KLF8: variants seen among roughly 807,000 people sequenced by gnomAD.
The protein encoded by KLF8 is KLF transcription factor 8.
In KLF8, 10 loss-of-function variants were observed where a neutral mutation model predicts 18.2. The observed-to-expected ratio is 0.55, with a 90% CI of 0.34 to 0.93. The LOEUF (loss-of-function observed/expected upper bound fraction) is 0.93, where lower values mean the gene tolerates loss of function less well. KLF8 is among the 40% of genes least tolerant of loss of function. The pLI, the probability that KLF8 is intolerant of heterozygous loss-of-function variation, is 0.02. For synonymous variants in KLF8, 109 were observed against 97.3 expected, an observed-to-expected ratio of 1.12 and a Z score of -0.71; for missense variants, 264 against 277.9, an observed-to-expected ratio of 0.95 and a Z score of 0.36.
rs1417872157 is a variant in KLF8, at chrX:56,267,050, T to G, written c.646+1306T>G. On this transcript the variant is annotated intron_variant, in intron 3 of 5. Coordinates refer to ENST00000468660, the MANE Select transcript of KLF8 (RefSeq NM_007250.5). ...AAACAAACAAAAAAGGAAATAAAAT[T>G]CCTCGTGTGACAGTTTATGCTGAGA... 5.3e-6 allele frequency: 4 copies of G among 752,447 alleles called. No homozygotes were observed. In the East Asian group the frequency reaches 6.1e-4, roughly 114 times the overall value. 62.0% of individuals were successfully genotyped at this position (752,447 alleles called of 1,213,427 possible). A position where few individuals can be genotyped will look rare whatever the true frequency, so the allele number is the denominator to read the frequency against.
the KLF8 span, among the ~76,000 whole-genome samples, chrX:56,006,567 G>C: frequency 8.9e-6 from 1 of 112,183 alleles, no homozygotes; most frequent in Non-Finnish European, 1.9e-5. Flanking sequence ...CTGTGGTTTT[G>C]ATTTGCAATT....
the KLF8 span, among the ~76,000 whole-genome samples, chrX:56,188,433 T>A: frequency 1.8e-5 from 2 of 111,640 alleles, no homozygotes; most frequent in East Asian, 5.6e-4. Context: ...ATCATGAAAA[T>A]GGCCATATTG....
the KLF8 span, among the ~76,000 whole-genome samples, chrX:56,106,919 G>A: frequency 8.9e-6 from 1 of 111,839 alleles, no homozygotes; most frequent in Non-Finnish European, 1.9e-5. Context: ...CATTTTTATT[G>A]ATGTTGATGC....
At chrX:56,049,536 TG>T in the KLF8 span, among the ~76,000 whole-genome samples, 5 of 107,946 alleles carry the variant, frequency 4.6e-5, no homozygotes, top group South Asian at 2.1e-3. Flanking sequence ...ATGTGGTTTT[TG>T]TCTTTGGCTC....
chrX:55,931,848 T>G, the KLF8 span, among the ~76,000 whole-genome samples: 3 of 110,972 alleles, frequency 2.7e-5, no homozygotes, highest in Non-Finnish European at 5.7e-5. Flanking sequence ...ATTCTGTTGA[T>G]TTGGAGTGGA....
chrX:55,963,674 A>G, the KLF8 span, among the ~76,000 whole-genome samples: 1 of 112,351 alleles, frequency 8.9e-6, no homozygotes, highest in Non-Finnish European at 1.9e-5. Flanking sequence ...AATTATAGTG[A>G]AAGGCTTCAA....
At chrX:56,144,767 A>G in the KLF8 span, among the ~76,000 whole-genome samples, 1 of 73,549 alleles carries the variant, frequency 1.4e-5, no homozygotes, top group Non-Finnish European at 2.7e-5. Context: ...AAAAAAAAAA[A>G]AAAGAAAAGA....
At chrX:55,978,469 A>G in the KLF8 span, among the ~76,000 whole-genome samples, 3 of 112,113 alleles carry the variant, frequency 2.7e-5, no homozygotes, top group Non-Finnish European at 3.8e-5. Flanking sequence ...GTATGCCAGC[A>G]CATGTTTTCT....
chrX:55,947,669 T>C, the KLF8 span, among the ~76,000 whole-genome samples: 2 of 111,175 alleles, frequency 1.8e-5, no homozygotes, highest in Non-Finnish European at 3.8e-5. Flanking sequence ...TCCTTGAGTG[T>C]TGGGGATCAG....
the KLF8 span, among the ~76,000 whole-genome samples, chrX:56,047,439 C>T: frequency 1.5e-4 from 15 of 101,052 alleles, no homozygotes; most frequent in South Asian, 5.2e-4. Flanking sequence ...CAAAAGTCCC[C>T]GGTGTGTGAT....
chrX:55,942,860 A>G, the KLF8 span, among the ~76,000 whole-genome samples: 1 of 112,188 alleles, frequency 8.9e-6, no homozygotes, highest in Non-Finnish European at 1.9e-5. Flanking sequence ...GTGCATAGTC[A>G]TCAAGTAATG....
At chrX:56,184,591 G>C in the KLF8 span, among the ~76,000 whole-genome samples, 4 of 108,669 alleles carry the variant, frequency 3.7e-5, no homozygotes, top group Non-Finnish European at 7.8e-5. Flanking sequence ...CCCTGACCCC[G>C]AACTCCTGAG....
chrX:56,064,855 C>T, the KLF8 span, among the ~76,000 whole-genome samples: 4 of 111,506 alleles, frequency 3.6e-5, no homozygotes, highest in Non-Finnish European at 5.7e-5. Flanking sequence ...ACGAAAAGTT[C>T]CTTTACTGGG....
chrX:56,073,112 G>A, the KLF8 span, among the ~76,000 whole-genome samples: 1 of 107,810 alleles, frequency 9.3e-6, no homozygotes. Context: ...TCAGCCTCCC[G>A]AGTAGCTGGG....
chrX:56,070,669 G>A, the KLF8 span, among the ~76,000 whole-genome samples: 52 of 110,485 alleles, frequency 4.7e-4, no homozygotes, highest in Middle Eastern at 9.6e-3. Context: ...TTGAGTGGGG[G>A]CAAGGGGAAG....
chrX:56,282,562 T>C (rs767692104), intron 5 of KLF8, among the ~76,000 whole-genome samples: 1 of 111,563 alleles, frequency 9.0e-6, no homozygotes, highest in Non-Finnish European at 1.9e-5. Flanking sequence ...CTTGGGAGGG[T>C]TGGTAGGTGG....
chrX:56,163,069 C>T, the KLF8 span, among the ~76,000 whole-genome samples: 1 of 112,158 alleles, frequency 8.9e-6, no homozygotes, highest in Non-Finnish European at 1.9e-5. Flanking sequence ...ATGTATGTGT[C>T]TTTATAATAT....
chrX:56,245,282 G>A (rs1055608279), intron 1 of KLF8, among the ~76,000 whole-genome samples: 1 of 111,461 alleles, frequency 9.0e-6, no homozygotes, highest in Non-Finnish European at 1.9e-5. Context: ...TTTATCTCTA[G>A]GCATTTTTCC....
chrX:56,045,601 T>A, the KLF8 span, among the ~76,000 whole-genome samples: 3 of 112,001 alleles, frequency 2.7e-5, no homozygotes, highest in South Asian at 1.1e-3. Flanking sequence ...TGTTTTTTGT[T>A]TTCGTAGATG....
Sources: gnomAD v4.1 joint callset for allele counts (sites outside exome capture counted in the v4.1 genomes callset) on GRCh38, gnomAD v4.1.1 for gene constraint, MANE v1.5 for transcripts, NCBI Gene and HGNC (gene_info 2026-07-23, HGNC 2026-07-21) for gene names.